ELP4: variants seen among roughly 807,000 people sequenced by gnomAD.
The protein encoded by ELP4 is elongator acetyltransferase complex subunit 4, also known as elongator complex protein 4.
A neutral mutation model predicts 48.9 loss-of-function variants in ELP4; 51 were observed. The observed-to-expected ratio is 1.04, with a 90% CI of 0.83 to 1.32. The LOEUF is 1.32. Among genes scored for constraint, ELP4 ranks in the 40% most tolerant of loss-of-function variants. The pLI, the probability that ELP4 is intolerant of heterozygous loss-of-function variation, is 0.00. For synonymous variants in ELP4, 210 were observed against 189.2 expected, an observed-to-expected ratio of 1.11 and a Z score of -0.90; for missense variants, 519 against 514.6, an observed-to-expected ratio of 1.01 and a Z score of -0.08.
At chr11:31,722,158 G>A (rs938979931) in intron 9 of ELP4, among the ~76,000 whole-genome samples, 2 of 152,058 alleles carry the variant, frequency 1.3e-5, no homozygotes, top group African/African-American at 2.4e-5. Flanking sequence ...ATAAAAACAC[G>A]TCTATCCAAC....
rs1188856983 is a variant in ELP4 at position 31,509,942 on chromosome 11, G to A, written c.158G>A (p.Arg53Gln). ...GPRLVSIAGT[R>Q]PSVRNGQLLV... ...CGACTGGTGTCCATTGCGGGCACGC[G>A]ACCGTCGGTGCGGAATGGACAGCTG... Residue 53 changes from arginine to glutamine, a missense_variant, in exon 1 of 10, where the codon CGA becomes CAA. By Grantham distance (43) the Arg-to-Gln change is conservative. Coordinates refer to ENST00000640961, the MANE Select transcript of ELP4 (RefSeq NM_019040.5). The A allele has an allele frequency of 6.2e-7, 1 of 1,613,482 alleles. No individual in the cohort carries two copies. The highest frequency in any genetic ancestry group is 2.2e-5 in the East Asian group (1 of 44,862).
chr11:31,592,524 T>C (rs1271516937), intron 3 of ELP4, among the ~76,000 whole-genome samples: 2 of 148,980 alleles, frequency 1.3e-5, no homozygotes, highest in Admixed American at 6.8e-5. Context: ...AATATATATA[T>C]GTATGTATAT....
intron 9 of ELP4, among the ~76,000 whole-genome samples, chr11:31,776,344 G>A (rs1216842510): frequency 6.6e-6 from 1 of 152,076 alleles, no homozygotes; most frequent in Non-Finnish European, 1.5e-5. Flanking sequence ...CCTCTTTAAG[G>A]AGCTCACCCT....
At chr11:31,695,597 A>G (rs1946385214) in intron 9 of ELP4, among the ~76,000 whole-genome samples, 1 of 151,082 alleles carries the variant, frequency 6.6e-6, no homozygotes, top group African/African-American at 2.4e-5. Flanking sequence ...GATGTTCATC[A>G]GGGATATTGG....
At chr11:31,734,910 G>A (rs561874979) in intron 9 of ELP4, among the ~76,000 whole-genome samples, 106 of 152,202 alleles carry the variant, frequency 7.0e-4, no homozygotes, top group Non-Finnish European at 1.2e-3. Flanking sequence ...ATACAATCAT[G>A]AGAAAGAAGA....
In ELP4 at chr11:31,564,908, G is replaced by T. The variant is rs182589475; in HGVS notation, c.381+25125G>T. Among the ~76,000 whole-genome samples the T allele has an allele frequency of 1.9e-4, 29 of 152,206 alleles. No homozygotes were observed. In the East Asian group the frequency reaches 5.4e-3, roughly 28 times the overall value. ...TATATACCCAGTAATGGGATGGCTG[G>T]GTCAAATGGTATTTCTAGTTCTAGA... is the stretch of plus-strand genomic sequence containing the variant. On this transcript the variant is annotated intron_variant, in intron 3 of 9. Transcript: ENST00000640961.
intron 9 of ELP4, among the ~76,000 whole-genome samples, chr11:31,751,045 C>G (rs1947708217): frequency 1.3e-5 from 2 of 152,156 alleles, no homozygotes; most frequent in African/African-American, 4.8e-5. Flanking sequence ...CTGAAAGAAC[C>G]TAGGATATCA....
chr11:31,593,809 A>G, intron 3 of ELP4, among the ~76,000 whole-genome samples: 1 of 152,208 alleles, frequency 6.6e-6, no homozygotes. Flanking sequence ...TGATATAACT[A>G]GTTTCTAAGA....
intron 3 of ELP4, among the ~76,000 whole-genome samples, chr11:31,572,867 T>G (rs1957210926): frequency 6.6e-6 from 1 of 151,986 alleles, no homozygotes; most frequent in South Asian, 2.1e-4. Flanking sequence ...TAGCTGGGCA[T>G]GGTGGTGCAC....
intron 9 of ELP4, among the ~76,000 whole-genome samples, chr11:31,740,063 C>A (rs970411008): frequency 2.6e-5 from 4 of 152,156 alleles, no homozygotes; most frequent in Non-Finnish European, 5.9e-5. Context: ...GTTTTATAGT[C>A]AGAGGTTATA....
At chr11:31,621,245 T>G (rs1183082633) in intron 5 of ELP4, among the ~76,000 whole-genome samples, 1 of 151,966 alleles carries the variant, frequency 6.6e-6, no homozygotes. Context: ...CTCATTTATT[T>G]GCATAATAAT....
intron 3 of ELP4, among the ~76,000 whole-genome samples, chr11:31,559,879 C>T (rs1323650897): frequency 6.9e-6 from 1 of 144,182 alleles, no homozygotes; most frequent in Admixed American, 7.1e-5. Context: ...CTCCAGCAGC[C>T]TGGGCAACAA....
At chr11:31,550,015 T>C (rs1402364487) in intron 3 of ELP4, among the ~76,000 whole-genome samples, 1 of 151,944 alleles carries the variant, frequency 6.6e-6, no homozygotes, top group Non-Finnish European at 1.5e-5. Context: ...GGGATAGCAT[T>C]GGGAGATATA....
chr11:31,657,706 A>C (rs1945467229), intron 9 of ELP4, among the ~76,000 whole-genome samples: 1 of 151,998 alleles, frequency 6.6e-6, no homozygotes. Flanking sequence ...CATATTTAAT[A>C]AAAAGAAATA....
chr11:31,646,796 A>G (rs1945208166), intron 7 of ELP4: 1 of 151,608 alleles, frequency 6.6e-6, no homozygotes, highest in Non-Finnish European at 1.5e-5. Context: ...CTAAGACATC[A>G]TAGCATATAA....
At chr11:31,736,734 C>G (rs917602308) in intron 9 of ELP4, among the ~76,000 whole-genome samples, 2 of 152,198 alleles carry the variant, frequency 1.3e-5, no homozygotes, top group Non-Finnish European at 2.9e-5. Context: ...AAATGCTCAT[C>G]ATCACTGGCC....
intron 9 of ELP4, among the ~76,000 whole-genome samples, chr11:31,724,532 C>A (rs1171688405): frequency 6.6e-6 from 1 of 152,242 alleles, no homozygotes; most frequent in Non-Finnish European, 1.5e-5. Flanking sequence ...CCAGTGCCTT[C>A]AAATCACCAA....
At chr11:31,608,094 GATA>G (rs1957907261) in intron 5 of ELP4, among the ~76,000 whole-genome samples, 1 of 151,614 alleles carries the variant, frequency 6.6e-6, no homozygotes, top group Non-Finnish European at 1.5e-5. Flanking sequence ...CTGGAAATAT[GATA>G]ATGAGATGGA....
chr11:31,768,710 G>T (rs533243888), intron 9 of ELP4, among the ~76,000 whole-genome samples: 6 of 152,218 alleles, frequency 3.9e-5, no homozygotes, highest in African/African-American at 1.4e-4. Flanking sequence ...AAGATTAAAA[G>T]CTCCAGGAAA....
Sources: allele counts gnomAD v4.1 joint callset (sites outside exome capture counted in the v4.1 genomes callset), GRCh38; gene constraint gnomAD v4.1.1; transcripts MANE v1.5; gene names NCBI Gene and HGNC (gene_info 2026-07-23, HGNC 2026-07-21).